The following UBA3 variants were observed in gnomAD, a reference collection of about 807,000 sequenced individuals.
UBA3 encodes the protein ubiquitin like modifier activating enzyme 3.
In UBA3, 26 loss-of-function variants were observed where a neutral mutation model predicts 73.5. That is an observed-to-expected ratio of 0.35 (90% CI 0.26 to 0.49). The LOEUF (loss-of-function observed/expected upper bound fraction) is 0.49. Ranked by LOEUF, UBA3 falls within the 20% of genes least tolerant of loss-of-function variation. UBA3 has a pLI of 0.98. For missense variants in UBA3, 495 were observed against 555.6 expected (o/e 0.89, Z 1.10); for synonymous variants, 217 against 191.2 (o/e 1.13, Z -1.11).
In UBA3 at chr3:69,057,115, C is replaced by G. The variant is rs144007140; in HGVS notation, c.964+141G>C. 69 of 937,368 alleles carry G rather than the reference C, an allele frequency of 7.4e-5. No individual in the cohort carries two copies. In the African/African-American group the frequency reaches 1.1e-3, roughly 14 times the overall value. The allele number at this position is 937,368 out of a possible 1,614,324, so 58.1% of individuals were successfully genotyped here. A position where few individuals can be genotyped will look rare whatever the true frequency, so the allele number is the denominator to read the frequency against. Reference sequence around the variant, plus strand: ...ATGTAAGACAAAAAATATGCAAAGTCTAATAACTGGTTCTTTTTCGACAGC... The same window carrying G: ...ATGTAAGACAAAAAATATGCAAAGTGTAATAACTGGTTCTTTTTCGACAGC... On this transcript the variant is annotated intron_variant, in intron 12 of 17. Transcript: ENST00000361055.
chr3:69,063,739 A>C (rs557870411), intron 7 of UBA3, among the ~76,000 whole-genome samples: 30 of 152,280 alleles, frequency 2.0e-4, no homozygotes, highest in Admixed American at 7.2e-4. Context: ...CTAATTAAAA[A>C]AAAAAAGCAC....
At position 69,057,239 on chromosome 3, in the gene UBA3, G is replaced by A; in HGVS notation, c.964+17C>T. 6.2e-7 allele frequency: 1 copy of A among 1,604,068 alleles called. No homozygotes were observed. Among genetic ancestry groups the A allele is most frequent in the South Asian group, 1.1e-5 (1 of 87,956 alleles). ...AAGAAAGCAAAATAAACTAAGTGAT[G>A]GCCTTTTCTTCCTCACCTGCAATGA... On this transcript the variant is annotated intron_variant, in intron 12 of 17. Transcript: ENST00000361055.
At chr3:69,058,289 C>T (rs1163412237) in intron 11 of UBA3, among the ~76,000 whole-genome samples, 1 of 152,116 alleles carries the variant, frequency 6.6e-6, no homozygotes, top group Non-Finnish European at 1.5e-5. Context: ...AAAATAAATA[C>T]TCCATTTTAT....
At chr3:69,056,925 A>G (rs2091978966) in intron 12 of UBA3, 110 bp from the exon 13 acceptor site, 1 of 1,228,476 alleles carries the variant, frequency 8.1e-7, no homozygotes, top group Non-Finnish European at 1.1e-6. Flanking sequence ...ATTAAAAAAT[A>G]CATATTCCAA....
At chr3:69,058,450 T>G (rs1045154976) in intron 11 of UBA3, among the ~76,000 whole-genome samples, 1 of 152,160 alleles carries the variant, frequency 6.6e-6, no homozygotes, top group Non-Finnish European at 1.5e-5. Flanking sequence ...AGCAAGTAGC[T>G]AAGAAGACAT....
chr3:69,075,352 C>A, intron 4 of UBA3, 78 bp downstream of exon 4: 2 of 646,230 alleles, frequency 3.1e-6, no homozygotes, highest in South Asian at 4.7e-5. Context: ...ACGAGAAATT[C>A]CCTAGTATGA....
At chr3:69,070,291 T>G (rs1392109475) in intron 5 of UBA3, among the ~76,000 whole-genome samples, 1 of 152,180 alleles carries the variant, frequency 6.6e-6, no homozygotes, top group Admixed American at 6.5e-5. Flanking sequence ...AAGTTAAACA[T>G]TAAGGGTCAC....
chr3:69,077,477 C>T (rs3853157), intron 3 of UBA3: 48,950 of 206,618 alleles, frequency 0.24, 6,303 homozygotes, highest in East Asian at 0.38. Context: ...CACACCTATA[C>T]TCCTATCAAA....
chr3:69,063,077 C>G lies in UBA3; in HGVS notation c.598G>C (p.Asp200His). 6.2e-7 allele frequency: 1 copy of G among 1,614,076 alleles called. No homozygotes were observed. Among genetic ancestry groups the G allele is most frequent in the Non-Finnish European group, 8.5e-7 (1 of 1,179,996 alleles). ...CCTTTAAAACCTTCTGTCCCCCCAT[C>G]TATCAAAGGGACAATGGAGCTTGGA... ...LDPSSIVPLI[D>H]GGTEGFKGNA... is the part of the protein sequence containing the mutation. Residue 200 changes from aspartate (D) to histidine (H), a missense_variant, in exon 9 of 18, where the codon GAT becomes CAT. Coordinates refer to ENST00000361055, the MANE Select transcript of UBA3 (RefSeq NM_003968.4).
chr3:69,062,044 T>C (rs763849406), intron 10 of UBA3, 33 bp downstream of exon 10: 10 of 1,486,200 alleles, frequency 6.7e-6, no homozygotes, highest in African/African-American at 4.2e-5. Context: ...ATGTATTTTA[T>C]GTAATTCTAG....
At chr3:69,061,211 T>C (rs1426858105) in intron 11 of UBA3, among the ~76,000 whole-genome samples, 1 of 152,240 alleles carries the variant, frequency 6.6e-6, no homozygotes, top group Non-Finnish European at 1.5e-5. Flanking sequence ...ATTTCTATTT[T>C]GAGACGAAGT....
At position 69,062,093 on chromosome 3, in the gene UBA3, C is replaced by G. The variant is rs2092026889; in HGVS notation, c.780G>C (p.Lys260Asn). 6.8e-6 allele frequency: 11 copies of G among 1,611,608 alleles called. No individual in the cohort carries two copies. The highest frequency in any genetic ancestry group is 9.3e-6 in the Non-Finnish European group (11 of 1,178,254). Residue 260 changes from lysine (K) to asparagine (N), a missense_variant, in exon 10 of 18, where the codon AAG (lysine) becomes AAC (asparagine). Lys to Asn is a moderately conservative substitution (Grantham distance 94). Transcript: ENST00000361055. ...GTTTATTACCTCCAAAAGGCTGCTCCTTAGGCCACTGCAACATCCTTACAT... is the reference window on the plus strand; with the variant it reads ...GTTTATTACCTCCAAAAGGCTGCTCGTTAGGCCACTGCAACATCCTTACAT... ...IEYVRMLQWPKEQPFGEGVPL... is the reference protein window; with the variant it reads ...IEYVRMLQWPNEQPFGEGVPL...
chr3:69,079,498 G>C (rs1484715577), intron 2 of UBA3, among the ~76,000 whole-genome samples: 3 of 152,198 alleles, frequency 2.0e-5, no homozygotes, highest in African/African-American at 7.2e-5. Flanking sequence ...GGCCAGGTTA[G>C]AAAACACTTC....
chr3:69,056,130 T>A lies in UBA3; in HGVS notation c.1184+53A>T, dbSNP rs147522669. The A allele has an allele frequency of 1.0e-3, 1,600 of 1,559,018 alleles. 18 individuals are homozygous for A. The African/African-American group carries it at 0.019, about 19-fold the overall frequency. ...ATCAAAAGATAATTTTTTTAAGGTTTCAAAAATCACAAAAATGATTTTTAC... is the reference window on the plus strand; with the variant it reads ...ATCAAAAGATAATTTTTTTAAGGTTACAAAAATCACAAAAATGATTTTTAC... On this transcript the variant is annotated intron_variant, in intron 15 of 17. Coordinates refer to ENST00000361055, the MANE Select transcript of UBA3 (RefSeq NM_003968.4).
intron 4 of UBA3, among the ~76,000 whole-genome samples, chr3:69,073,095 T>TG (rs1205515843): frequency 6.6e-6 from 1 of 152,214 alleles, no homozygotes; most frequent in Non-Finnish European, 1.5e-5. Flanking sequence ...CTATTCTCAA[T>TG]GCATCAGCCT....
At chr3:69,065,159 T>C (rs1398773108) in intron 6 of UBA3, among the ~76,000 whole-genome samples, 1 of 152,154 alleles carries the variant, frequency 6.6e-6, no homozygotes, top group Non-Finnish European at 1.5e-5. Context: ...AAATCTAATC[T>C]GGATTTCTAG....
At chr3:69,071,689 G>T in intron 4 of UBA3, 72 bp from the exon 5 acceptor site, 1 of 902,820 alleles carries the variant, frequency 1.1e-6, no homozygotes, top group Non-Finnish European at 1.7e-6. Flanking sequence ...TGTTTTCAAT[G>T]TAGTCTTAAG....
At chr3:69,068,710 G>C (rs9872553) in intron 5 of UBA3, among the ~76,000 whole-genome samples, 1 of 151,732 alleles carries the variant, frequency 6.6e-6, no homozygotes, top group South Asian at 2.1e-4. Context: ...AGTCTCTAGG[G>C]AGGTGAGATT....
intron 6 of UBA3, among the ~76,000 whole-genome samples, chr3:69,066,691 C>G (rs1032662287): frequency 6.6e-6 from 1 of 152,162 alleles, no homozygotes; most frequent in Non-Finnish European, 1.5e-5. Flanking sequence ...CTCGGCCTCC[C>G]AAAGTGCTGG....
Sources: allele counts gnomAD v4.1 joint callset (sites outside exome capture counted in the v4.1 genomes callset), GRCh38; gene constraint gnomAD v4.1.1; transcripts MANE v1.5; gene names NCBI Gene and HGNC (gene_info 2026-07-23, HGNC 2026-07-21).